Variants in SHTN1 observed in about 807,000 individuals in gnomAD.
SHTN1 encodes the protein shootin 1, also known as shootin-1.
Under a neutral mutation model 83.1 loss-of-function variants are expected in SHTN1, and 42 were observed. The observed-to-expected ratio is 0.51, with a 90% CI of 0.39 to 0.65. The LOEUF (loss-of-function observed/expected upper bound fraction) is 0.65, where lower values mean the gene tolerates loss of function less well. SHTN1 is among the 30% of genes least tolerant of loss of function. The pLI is 0.00. For synonymous variants in SHTN1, 224 were observed against 247.7 expected, an observed-to-expected ratio of 0.90 and a Z score of 0.90; for missense variants, 622 against 737.8, an observed-to-expected ratio of 0.84 and a Z score of 1.82.
chr10:117,086,975 T>C (rs1004840592), intron 1 of SHTN1, among the ~76,000 whole-genome samples: 4 of 152,178 alleles, frequency 2.6e-5, no homozygotes, highest in African/African-American at 7.2e-5. Flanking sequence ...CCTGGAACAT[T>C]ATACTAAGTG....
Position 116,881,721 on chromosome 10 carries a change from A to G in SHTN1, c.*4623T>C. The G allele has an allele frequency of 2.3e-6, 3 of 1,322,562 alleles. No homozygotes were observed. The highest frequency in any genetic ancestry group is 2.0e-6 in the Non-Finnish European group (2 of 1,018,302). The allele number at this position is 1,322,562 out of a possible 1,614,324, so 81.9% of individuals were successfully genotyped here. On this transcript the variant is annotated 3_prime_UTR_variant, in exon 17 of 17. Coordinates refer to ENST00000355371, the MANE Select transcript of SHTN1 (RefSeq NM_001127211.3). Reference sequence around the variant, plus strand: ...ACACCATCAGTATTAGTAGACCGGGAGGTCTGAAGTACGGCGCCGTGTCTC... The same window carrying G: ...ACACCATCAGTATTAGTAGACCGGGGGGTCTGAAGTACGGCGCCGTGTCTC...
At chr10:116,963,164 C>T (rs192239869) in intron 3 of SHTN1, among the ~76,000 whole-genome samples, 2,258 of 140,718 alleles carry the variant, frequency 0.016, 29 homozygotes, top group Non-Finnish European at 0.025. Context: ...CTCCGCCTCC[C>T]GGGTTCACGC....
At chr10:116,981,723 C>T (rs530827357) in intron 1 of SHTN1, among the ~76,000 whole-genome samples, 1 of 152,188 alleles carries the variant, frequency 6.6e-6, no homozygotes, top group East Asian at 1.9e-4. Context: ...TAATTGGTGA[C>T]CTACTTTACA....
intron 1 of SHTN1, among the ~76,000 whole-genome samples, chr10:117,106,253 A>G (rs201470092): frequency 6.6e-6 from 1 of 152,138 alleles, no homozygotes; most frequent in East Asian, 1.9e-4. Context: ...TCAAGAGATC[A>G]AGACCATCCT....
chr10:117,036,594 C>T (rs1852500266), intron 2 of SHTN1, among the ~76,000 whole-genome samples: 1 of 152,048 alleles, frequency 6.6e-6, no homozygotes, highest in African/African-American at 2.4e-5. Context: ...AACAATTGAA[C>T]TCATGGAGAT....
At chr10:116,901,054 CA>C in intron 16 of SHTN1, 1 of 985,382 alleles carries the variant, frequency 1.0e-6, no homozygotes, top group Non-Finnish European at 1.2e-6. Context: ...ACCATGATTA[CA>C]ATATTCGGCT....
At chr10:117,051,999 C>CATATATATATAT (rs71013635) in intron 1 of SHTN1, among the ~76,000 whole-genome samples, 556 of 34,100 alleles carry the variant, frequency 0.016, 51 homozygotes, top group Admixed American at 0.023. Flanking sequence ...ATGACATAAT[C>CATATATATATAT]ATATATATAT....
At chr10:116,957,475 A>G (rs765556919) in intron 4 of SHTN1, among the ~76,000 whole-genome samples, 22 of 151,674 alleles carry the variant, frequency 1.5e-4, no homozygotes, top group East Asian at 1.2e-3. Context: ...GATGGTCTCA[A>G]TCTCCTGACC....
At chr10:117,103,906 AATG>A (rs1294527186) in intron 1 of SHTN1, among the ~76,000 whole-genome samples, 1 of 152,158 alleles carries the variant, frequency 6.6e-6, no homozygotes, top group African/African-American at 2.4e-5. Flanking sequence ...TAAACACATG[AATG>A]ATGAATAATT....
intron 1 of SHTN1, among the ~76,000 whole-genome samples, chr10:116,987,237 A>T (rs965286759): frequency 3.3e-5 from 5 of 152,148 alleles, no homozygotes; most frequent in African/African-American, 1.2e-4. Flanking sequence ...TAAAGGTCAC[A>T]TCCTAGGGAC....
At chr10:116,911,568 T>C (rs1848197440) in intron 14 of SHTN1, 14 of 1,550,776 alleles carry the variant, frequency 9.0e-6, no homozygotes, top group Middle Eastern at 1.7e-4. Context: ...TTGGTGAAAG[T>C]GTAACCACTC....
At chr10:117,067,399 T>C (rs1853017423) in intron 1 of SHTN1, among the ~76,000 whole-genome samples, 1 of 152,130 alleles carries the variant, frequency 6.6e-6, no homozygotes, top group Non-Finnish European at 1.5e-5. Flanking sequence ...GAGACCAGCC[T>C]AGCCAACATG....
At chr10:117,085,419 T>C (rs191652298) in intron 1 of SHTN1, among the ~76,000 whole-genome samples, 2 of 152,324 alleles carry the variant, frequency 1.3e-5, no homozygotes, top group East Asian at 1.9e-4. Context: ...TGGAAGTGTG[T>C]TGTTTAATCT....
chr10:116,896,982 T>A (rs964258156), intron 16 of SHTN1, among the ~76,000 whole-genome samples: 1 of 152,094 alleles, frequency 6.6e-6, no homozygotes, highest in Non-Finnish European at 1.5e-5. Flanking sequence ...AATTTTTGTA[T>A]TTTTAGTAGA....
intron 1 of SHTN1, among the ~76,000 whole-genome samples, chr10:117,096,713 G>A (rs1270145045): frequency 6.6e-6 from 1 of 152,122 alleles, no homozygotes; most frequent in Non-Finnish European, 1.5e-5. Context: ...ATGCAGCTCC[G>A]GAGCCGCCAC....
chr10:116,938,761 C>A (rs1391416402), intron 9 of SHTN1, among the ~76,000 whole-genome samples: 1 of 152,138 alleles, frequency 6.6e-6, no homozygotes, highest in African/African-American at 2.4e-5. Context: ...GAAGCTGTGC[C>A]CACAGCCGCC....
At chr10:117,098,383 G>A (rs1203600803) in intron 1 of SHTN1, among the ~76,000 whole-genome samples, 1 of 140,724 alleles carries the variant, frequency 7.1e-6, no homozygotes, top group Non-Finnish European at 1.5e-5. Context: ...GGCGACCGAG[G>A]GACACTCCGT....
intron 3 of SHTN1, among the ~76,000 whole-genome samples, chr10:116,964,849 C>T (rs1850333396): frequency 1.3e-5 from 2 of 152,022 alleles, no homozygotes; most frequent in African/African-American, 4.8e-5. Context: ...GCCTGTAATC[C>T]CAGCTACTTG....
intron 1 of SHTN1, among the ~76,000 whole-genome samples, chr10:117,050,090 G>A (rs1589911549): frequency 2.0e-5 from 3 of 152,264 alleles, no homozygotes; most frequent in African/African-American, 7.2e-5. Context: ...TACTCAAGAG[G>A]CTGAGGCAGG....
Sources: allele counts gnomAD v4.1 joint callset (sites outside exome capture counted in the v4.1 genomes callset), GRCh38; gene constraint gnomAD v4.1.1; transcripts MANE v1.5; gene names NCBI Gene and HGNC (gene_info 2026-07-23, HGNC 2026-07-21).